Variants in LRRC38 observed in about 807,000 individuals in gnomAD.
The protein encoded by LRRC38 is leucine-rich repeat-containing protein 38.
LRRC38 carries 5 observed loss-of-function variants against 16.4 expected under a neutral mutation model. That is an observed-to-expected ratio of 0.31 (90% CI 0.16 to 0.64). The LOEUF (loss-of-function observed/expected upper bound fraction) is 0.64. Ranked by LOEUF, LRRC38 falls within the 30% of genes least tolerant of loss-of-function variation. The probability of loss-of-function intolerance (pLI) is 0.80; values close to 1 mark genes in which losing one functional copy is unlikely to be tolerated. For missense variants in LRRC38, 341 were observed against 401.8 expected (o/e 0.85, Z 1.29); for synonymous variants, 191 against 190.2 (o/e 1.00, Z -0.04).
intron 1 of LRRC38, among the ~76,000 whole-genome samples, chr1:13,502,807 C>A (rs1405107291): frequency 2.0e-5 from 3 of 152,214 alleles, no homozygotes; most frequent in Admixed American, 2.0e-4. Context: ...GAGGTCCTGA[C>A]CTTCGGCTCT....
chr1:13,491,807 C>T (rs980769044), intron 1 of LRRC38, among the ~76,000 whole-genome samples: 3 of 152,288 alleles, frequency 2.0e-5, no homozygotes, highest in East Asian at 1.9e-4. Context: ...TCCAGAGTAG[C>T]TGGGATTACA....
intron 1 of LRRC38, among the ~76,000 whole-genome samples, chr1:13,506,280 T>C (rs1639212376): frequency 6.6e-6 from 1 of 152,008 alleles, no homozygotes; most frequent in South Asian, 2.1e-4. Context: ...AGCACAGGCA[T>C]GGACCTGCGG....
At chr1:13,497,026 T>G (rs553312990) in intron 1 of LRRC38, among the ~76,000 whole-genome samples, 1 of 152,118 alleles carries the variant, frequency 6.6e-6, no homozygotes, top group Admixed American at 6.5e-5. Flanking sequence ...CCTGATGAAC[T>G]CAAGGAATGA....
At position 13,482,495 on chromosome 1, in the gene LRRC38, T is replaced by C. The variant is rs575332702; in HGVS notation, c.632-6396A>G. ...CTTGGGAGGCTGAGACAGGAAAATTTCTTGAGCCCCAGAGGCAAACGCTGC... is the reference window on the plus strand; with the variant it reads ...CTTGGGAGGCTGAGACAGGAAAATTCCTTGAGCCCCAGAGGCAAACGCTGC... On this transcript the variant is annotated intron_variant, in intron 1 of 1. Transcript: ENST00000376085. 2.0e-5 allele frequency among the ~76,000 whole-genome samples: 3 copies of C among 151,552 alleles called. 1 individual carries two copies. Among genetic ancestry groups the C allele is most frequent in the African/African-American group, 7.3e-5 (3 of 41,216 alleles).
intron 1 of LRRC38, among the ~76,000 whole-genome samples, chr1:13,498,058 A>G (rs1191993530): frequency 1.3e-5 from 2 of 151,778 alleles, no homozygotes; most frequent in African/African-American, 4.8e-5. Context: ...TGTTTTAAAT[A>G]TGGCTGCTGG....
At chr1:13,504,013 G>C (rs1468132202) in intron 1 of LRRC38, among the ~76,000 whole-genome samples, 1 of 152,248 alleles carries the variant, frequency 6.6e-6, no homozygotes, top group Admixed American at 6.5e-5. Context: ...ACTGCTGTCT[G>C]CGTGGGTTGT....
chr1:13,480,362 T>C (rs1184085383), intron 1 of LRRC38, among the ~76,000 whole-genome samples: 1 of 144,006 alleles, frequency 6.9e-6, no homozygotes, highest in African/African-American at 2.6e-5. Context: ...AAACAAACTG[T>C]CTCCAGACAT....
At chr1:13,494,024 C>CT (rs567498366) in intron 1 of LRRC38, among the ~76,000 whole-genome samples, 204 of 152,312 alleles carry the variant, frequency 1.3e-3, no homozygotes, top group African/African-American at 4.7e-3. Flanking sequence ...GATCGCACCA[C>CT]TGCACTCCAG....
At position 13,513,527 on chromosome 1, in the gene LRRC38, C is replaced by T; in HGVS notation, c.67G>A (p.Ala23Thr). The change falls in exon 1 of 2, where the codon GCG (alanine) becomes ACG (threonine). Residue 23 changes from alanine (A) to threonine (T), a missense_variant. Transcript: ENST00000376085. ...CCCGCGGGGCACGCGTGCCCGGGCGCGAGCAGCAGCAGAAGGCTGCAGAGC... is the reference window on the plus strand; with the variant it reads ...CCCGCGGGGCACGCGTGCCCGGGCGTGAGCAGCAGCAGAAGGCTGCAGAGC... Reference protein sequence around the residue: ...LGLCSLLLLLAPGHACPAGCA... With the variant: ...LGLCSLLLLLTPGHACPAGCA... The T allele has an allele frequency of 2.8e-6, 4 of 1,432,136 alleles. No individual in the cohort carries two copies. The South Asian group carries it at 6.0e-5, about 22-fold the overall frequency. The allele number at this position is 1,432,136 out of a possible 1,614,324, so 88.7% of individuals were successfully genotyped here.
At chr1:13,498,253 A>ACAAAAC (rs34141945) in intron 1 of LRRC38, among the ~76,000 whole-genome samples, 1 of 150,000 alleles carries the variant, frequency 6.7e-6, no homozygotes, top group Non-Finnish European at 1.5e-5. Context: ...ACAAAACAAA[A>ACAAAAC]AAAAAAAGAG....
intron 1 of LRRC38, among the ~76,000 whole-genome samples, chr1:13,490,180 A>G (rs591723): frequency 0.26 from 40,161 of 152,078 alleles, 5,417 homozygotes; most frequent in East Asian, 0.35. Flanking sequence ...GTTTTTAGAC[A>G]GAGTCTCACT....
At chr1:13,502,477 G>A (rs1238462939) in intron 1 of LRRC38, among the ~76,000 whole-genome samples, 1 of 152,042 alleles carries the variant, frequency 6.6e-6, no homozygotes. Flanking sequence ...TCTGACTCCT[G>A]CACACACAAA....
chr1:13,493,085 G>A (rs1018799253), intron 1 of LRRC38, among the ~76,000 whole-genome samples: 1 of 152,206 alleles, frequency 6.6e-6, no homozygotes, highest in African/African-American at 2.4e-5. Context: ...CTCACGAAGT[G>A]CTCTCTATGC....
At chr1:13,496,349 T>G (rs1639079758) in intron 1 of LRRC38, among the ~76,000 whole-genome samples, 1 of 152,076 alleles carries the variant, frequency 6.6e-6, no homozygotes, top group Non-Finnish European at 1.5e-5. Flanking sequence ...TTTTTTATTT[T>G]TTTTGTAGAG....
chr1:13,477,104 C>CA (rs1036010578), intron 1 of LRRC38, among the ~76,000 whole-genome samples: 10 of 150,568 alleles, frequency 6.6e-5, no homozygotes, highest in African/African-American at 1.5e-4. Context: ...GACTCCATCT[C>CA]AAAAAAAAAG....
chr1:13,509,566 C>T (rs78319045), intron 1 of LRRC38, among the ~76,000 whole-genome samples: 196 of 152,270 alleles, frequency 1.3e-3, no homozygotes, highest in African/African-American at 3.7e-3. Context: ...GGCCCATGAG[C>T]CCAGAGCCCC....
At chr1:13,480,877 G>A (rs1235593203) in intron 1 of LRRC38, among the ~76,000 whole-genome samples, 1 of 151,822 alleles carries the variant, frequency 6.6e-6, no homozygotes, top group East Asian at 1.9e-4. Context: ...AGGCTGGTCT[G>A]GAACTGCTGT....
chr1:13,511,042 G>A (rs1351269472), intron 1 of LRRC38, among the ~76,000 whole-genome samples: 4 of 152,172 alleles, frequency 2.6e-5, no homozygotes, highest in Admixed American at 6.5e-5. Context: ...CCTACTGGCT[G>A]AGACAAAGCC....
intron 1 of LRRC38, among the ~76,000 whole-genome samples, chr1:13,500,935 C>A (rs11811167): frequency 6.6e-6 from 1 of 151,954 alleles, no homozygotes; most frequent in Non-Finnish European, 1.5e-5. Context: ...AATGAATGAG[C>A]GGGGCACAAA....
Sources: gnomAD v4.1 joint callset for allele counts (sites outside exome capture counted in the v4.1 genomes callset) on GRCh38, gnomAD v4.1.1 for gene constraint, MANE v1.5 for transcripts, NCBI Gene and HGNC (gene_info 2026-07-23, HGNC 2026-07-21) for gene names.